The following TACC2 variants were observed in gnomAD, a reference collection of about 807,000 sequenced individuals.
TACC2 encodes transforming acidic coiled-coil-containing protein 2.
In TACC2, 137 loss-of-function variants were observed where a neutral mutation model predicts 227.3. The ratio of observed to expected loss-of-function variants is 0.60; its 90% CI spans 0.52 to 0.69. The LOEUF is 0.69. Among genes scored for constraint, TACC2 ranks in the 30% least tolerant of loss-of-function variants. TACC2 has a pLI of 0.00. For missense variants in TACC2, 3,470 were observed against 3,694.4 expected (o/e 0.94, Z 1.57); for synonymous variants, 1,523 against 1,487.5 (o/e 1.02, Z -0.55).
chr10:122,227,796 C>CAATGAGAAGACT (rs763126527), intron 13 of TACC2, 41 bp from the exon 14 acceptor site: 3 of 1,577,570 alleles, frequency 1.9e-6, no homozygotes, highest in Non-Finnish European at 2.6e-6. Flanking sequence ...GTGGGTTTCC[C>CAATGAGAAGACT]AATGAGAAGA....
At position 122,050,590 on chromosome 10, in the gene TACC2, C is replaced by T. The variant is rs75188983; in HGVS notation, c.146+40C>T. ...CTGGAGGACTGATGCAGCCCAAGGA[C>T]TGCCCCGCTCATTGCCTGCTCCAGC... On this transcript the variant is annotated intron_variant, in intron 3 of 22. Coordinates refer to ENST00000369005, the MANE Select transcript of TACC2 (RefSeq NM_206862.4). The surrounding 1 kb of genome is among the most constrained non-coding windows in gnomAD (Gnocchi z 4.6). 10,520 of 1,507,166 alleles carry T rather than the reference C, an allele frequency of 7.0e-3. 490 individuals are homozygous for T. In the African/African-American group the frequency reaches 0.11, roughly 16 times the overall value. 93.4% of individuals were successfully genotyped at this position (1,507,166 alleles called of 1,614,324 possible).
chr10:122,224,848 C>T (rs992456017), intron 12 of TACC2, 61 bp downstream of exon 12: 1 of 1,395,226 alleles, frequency 7.2e-7, no homozygotes, highest in African/African-American at 1.4e-5. Flanking sequence ...GGGGCCTCCT[C>T]CCCTGTGCAG....
rs200421479 is a variant in TACC2 at position 122,224,804 on chromosome 10, C to T, written c.7608+17C>T. The T allele has an allele frequency of 5.8e-4, 940 of 1,611,418 alleles. 1 individual carries two copies. The highest frequency in any genetic ancestry group is 6.5e-4 in the Non-Finnish European group (771 of 1,177,624). ...TCCTTACCTGTAAGTTCGTCTGCCT[C>T]GGGCCACTTAGGGGACTCGCTTTCC... is the stretch of plus-strand genomic sequence containing the variant. On this transcript the variant is annotated intron_variant, in intron 12 of 22. Transcript: ENST00000369005.
At chr10:122,212,118 A>G (rs904435408) in intron 9 of TACC2, among the ~76,000 whole-genome samples, 1 of 152,232 alleles carries the variant, frequency 6.6e-6, no homozygotes, top group Non-Finnish European at 1.5e-5. Context: ...TTAAAATATT[A>G]AAATGTATAG....
rs1565246362 is a variant in TACC2 at position 122,084,187 on chromosome 10, G to A, written c.1687G>A (p.Ala563Thr). 1 of 1,614,124 alleles carries A rather than the reference G, an allele frequency of 6.2e-7. No homozygotes were observed. The highest frequency in any genetic ancestry group is 1.1e-5 in the South Asian group (1 of 91,084). Residue 563 changes from alanine (A) to threonine (T), a missense_variant, in exon 4 of 23, where the codon GCC becomes ACC. Physicochemically the swap from Ala to Thr is moderately conservative, Grantham distance 58 (BLOSUM62 0). Around this residue, in one of 10 missense-constraint regions of TACC2, gnomAD observed 1,924 missense variants for 1,978.3 expected, o/e 0.97. Coordinates refer to ENST00000369005, the MANE Select transcript of TACC2 (RefSeq NM_206862.4). ...GGTCCATGAAGATTCCACAAGCCCA[G>A]CCGTGGCTAAAGAAGGAAGCAGATC... The part of the protein sequence containing the change: ...AKVHEDSTSP[A>T]VAKEGSRSPG...
At chr10:122,236,415 A>G (rs527821176) in intron 16 of TACC2, among the ~76,000 whole-genome samples, 2 of 152,346 alleles carry the variant, frequency 1.3e-5, no homozygotes, top group South Asian at 4.1e-4. Context: ...CAGCCATGAC[A>G]GCGCCACGAG....
intron 8 of TACC2, among the ~76,000 whole-genome samples, chr10:122,197,209 C>T (rs6585800): frequency 0.066 from 9,957 of 150,128 alleles, 1,083 homozygotes; most frequent in African/African-American, 0.23. Flanking sequence ...TGCAGTGAGC[C>T]GAGACCATGC....
chr10:122,189,689 A>T (rs1164126614), intron 7 of TACC2, among the ~76,000 whole-genome samples: 1 of 152,252 alleles, frequency 6.6e-6, no homozygotes, highest in Admixed American at 6.5e-5. Context: ...TCTTCCCCTT[A>T]AGCAATGCTC....
intron 5 of TACC2, among the ~76,000 whole-genome samples, chr10:122,103,107 A>G (rs1012160564): frequency 1.3e-5 from 2 of 152,206 alleles, no homozygotes; most frequent in African/African-American, 4.8e-5. Context: ...AAAGAAAGAA[A>G]GAAGGAAAGT....
chr10:122,142,366 C>T (rs540996546), intron 6 of TACC2, among the ~76,000 whole-genome samples: 3 of 152,328 alleles, frequency 2.0e-5, no homozygotes, highest in South Asian at 2.1e-4. Flanking sequence ...CCCCTGTCCT[C>T]GTGGAGCTCT....
intron 8 of TACC2, among the ~76,000 whole-genome samples, chr10:122,195,750 C>G (rs1229620229): frequency 6.6e-6 from 1 of 152,158 alleles, no homozygotes. Context: ...CGTCCCCACC[C>G]CACCCCTGTG....
At chr10:122,024,562 A>G (rs891535307) in intron 2 of TACC2, among the ~76,000 whole-genome samples, 1 of 152,040 alleles carries the variant, frequency 6.6e-6, no homozygotes, top group African/African-American at 2.4e-5. Context: ...CTCTCCTCTC[A>G]TCCCTAACCC....
In TACC2 at chr10:122,012,143, C is replaced by T. The variant is rs916133623; in HGVS notation, c.-45-9794C>T. Among the ~76,000 whole-genome samples, 12 of 151,888 alleles carry T rather than the reference C, an allele frequency of 7.9e-5. No homozygotes were observed. The East Asian group carries it at 1.4e-3, about 17-fold the overall frequency. The stretch of plus-strand genomic sequence containing the variant: ...AGTAAAGATGGGGCTTCACCCTGGC[C>T]GGACACGGTAGCTCATGCCTGTAAT... On this transcript the variant is annotated intron_variant, in intron 1 of 22. Transcript: ENST00000369005.
intron 1 of TACC2, among the ~76,000 whole-genome samples, chr10:121,993,129 G>A (rs1369527088): frequency 6.6e-6 from 1 of 151,940 alleles, no homozygotes; most frequent in South Asian, 2.1e-4. Flanking sequence ...GAACAGACTG[G>A]GCAATGTTGC....
chr10:122,104,685 C>T (rs1477533138), intron 5 of TACC2, among the ~76,000 whole-genome samples: 1 of 152,122 alleles, frequency 6.6e-6, no homozygotes, highest in African/African-American at 2.4e-5. Flanking sequence ...TTTTTTATTT[C>T]GTTGTGTTAC....
intron 7 of TACC2, among the ~76,000 whole-genome samples, chr10:122,165,281 C>G (rs546119665): frequency 2.8e-4 from 42 of 152,230 alleles, no homozygotes; most frequent in Non-Finnish European, 4.7e-4. Flanking sequence ...ACCACTTTAA[C>G]CTATTTTTTG....
At chr10:122,124,536 C>G (rs1361336019) in intron 5 of TACC2, among the ~76,000 whole-genome samples, 1 of 152,220 alleles carries the variant, frequency 6.6e-6, no homozygotes, top group East Asian at 1.9e-4. Flanking sequence ...TTCCGGGGCC[C>G]CTGTCACACT....
chr10:122,111,995 T>G (rs560342424), intron 5 of TACC2, among the ~76,000 whole-genome samples: 31 of 152,186 alleles, frequency 2.0e-4, no homozygotes, highest in Non-Finnish European at 3.5e-4. Context: ...AAACAATATT[T>G]TCGCAGAAGG....
At chr10:122,015,818 A>G (rs1591066443) in intron 1 of TACC2, among the ~76,000 whole-genome samples, 1 of 151,904 alleles carries the variant, frequency 6.6e-6, no homozygotes, top group East Asian at 2.0e-4. Flanking sequence ...CTGGTGCAGG[A>G]TTTAACCAAA....
Sources: gnomAD v4.1 joint callset for allele counts (sites outside exome capture counted in the v4.1 genomes callset) on GRCh38, gnomAD v4.1.1 for gene constraint, gnomAD v4.1.1 regional missense constraint, Gnocchi (gnomAD v3.1) non-coding constraint, MANE v1.5 for transcripts, NCBI Gene and HGNC (gene_info 2026-07-23, HGNC 2026-07-21) for gene names.